QTMAN: variants seen among roughly 807,000 people sequenced by gnomAD.
QTMAN encodes the protein queuosine-tRNA mannosyltransferase, also known as tRNA-queuosine alpha-mannosyltransferase.
At chr2:144,049,387 C>T in the QTMAN span, among the ~76,000 whole-genome samples, 1 of 151,996 alleles carries the variant, frequency 6.6e-6, no homozygotes, top group South Asian at 2.1e-4. Flanking sequence ...AAAAATAGAA[C>T]AAAAACTGAA....
chr2:144,218,139 A>C, the QTMAN span, among the ~76,000 whole-genome samples: 5 of 152,196 alleles, frequency 3.3e-5, no homozygotes, highest in Admixed American at 6.5e-5. Flanking sequence ...CAAGAGTTGT[A>C]CTATTATCAG....
At chr2:144,042,626 G>A in the QTMAN span, among the ~76,000 whole-genome samples, 2 of 151,800 alleles carry the variant, frequency 1.3e-5, no homozygotes, top group Admixed American at 1.3e-4. Context: ...CTGGCGTGGT[G>A]GTACACGCCT....
At chr2:144,032,682 G>C in the QTMAN span, among the ~76,000 whole-genome samples, 19 of 152,288 alleles carry the variant, frequency 1.2e-4, no homozygotes, top group African/African-American at 3.4e-4. Flanking sequence ...GGTGGTGGGG[G>C]ACTTCAACCA....
At chr2:144,289,855 G>GA in the QTMAN span, among the ~76,000 whole-genome samples, 2 of 151,916 alleles carry the variant, frequency 1.3e-5, no homozygotes, top group East Asian at 3.9e-4. Flanking sequence ...AAAAGAATGG[G>GA]AAAAAAAATT....
chr2:144,139,805 T>C, the QTMAN span, among the ~76,000 whole-genome samples: 6 of 152,162 alleles, frequency 3.9e-5, no homozygotes, highest in East Asian at 1.2e-3. Flanking sequence ...TTGTTGGAAA[T>C]ATGGCTTTTC....
the QTMAN span, among the ~76,000 whole-genome samples, chr2:144,292,473 C>T: frequency 2.0e-5 from 3 of 152,092 alleles, no homozygotes; most frequent in African/African-American, 7.2e-5. Flanking sequence ...TTCTCTTACA[C>T]CATTTATTCA....
At chr2:143,961,629 T>C in the QTMAN span, among the ~76,000 whole-genome samples, 1 of 152,156 alleles carries the variant, frequency 6.6e-6, no homozygotes, top group Non-Finnish European at 1.5e-5. Flanking sequence ...TTGAGAACAA[T>C]TTCTTGAGAG....
the QTMAN span, among the ~76,000 whole-genome samples, chr2:144,033,891 A>T: frequency 6.6e-6 from 1 of 152,242 alleles, no homozygotes; most frequent in Admixed American, 6.5e-5. Flanking sequence ...AACCTGAAGC[A>T]AAGATCAAAT....
At chr2:144,018,399 C>T in the QTMAN span, among the ~76,000 whole-genome samples, 5 of 151,858 alleles carry the variant, frequency 3.3e-5, no homozygotes, top group African/African-American at 1.2e-4. Flanking sequence ...GATTATATTG[C>T]TATCTAATTT....
At chr2:143,977,508 G>A in the QTMAN span, among the ~76,000 whole-genome samples, 1 of 152,084 alleles carries the variant, frequency 6.6e-6, no homozygotes, top group Non-Finnish European at 1.5e-5. Context: ...CTGAGTCTAT[G>A]TCACTACTAG....
chr2:144,015,302 AAC>A, the QTMAN span, among the ~76,000 whole-genome samples: 18 of 152,322 alleles, frequency 1.2e-4, no homozygotes, highest in Non-Finnish European at 2.5e-4. Context: ...CTAGTAATTC[AAC>A]ACAGTTTGGC....
the QTMAN span, among the ~76,000 whole-genome samples, chr2:144,242,759 C>G: frequency 6.6e-6 from 1 of 151,876 alleles, no homozygotes; most frequent in African/African-American, 2.4e-5. Flanking sequence ...GTCAGGAGTT[C>G]GAGACCAGCC....
the QTMAN span, among the ~76,000 whole-genome samples, chr2:144,246,210 C>T: frequency 6.6e-6 from 1 of 152,188 alleles, no homozygotes; most frequent in South Asian, 2.1e-4. Flanking sequence ...GAAGCCAATT[C>T]ATTTTGCCTG....
chr2:144,110,418 C>A, the QTMAN span, among the ~76,000 whole-genome samples: 1 of 152,056 alleles, frequency 6.6e-6, no homozygotes, highest in Non-Finnish European at 1.5e-5. Context: ...GGAAGGATAG[C>A]ATTAGGAGAT....
chr2:143,957,225 G>T, the QTMAN span: 2 of 1,600,574 alleles, frequency 1.2e-6, no homozygotes, highest in East Asian at 2.2e-5. Flanking sequence ...ATGCTTAGCT[G>T]TTGAGATGAC....
chr2:144,101,085 G>T, the QTMAN span, among the ~76,000 whole-genome samples: 1 of 151,860 alleles, frequency 6.6e-6, no homozygotes, highest in Admixed American at 6.6e-5. Context: ...AGCCAGGATG[G>T]TCTCGATCTC....
chr2:143,992,061 T>G, the QTMAN span, among the ~76,000 whole-genome samples: 18 of 152,246 alleles, frequency 1.2e-4, no homozygotes, highest in African/African-American at 4.3e-4. Context: ...GAACGGGCCA[T>G]GATGACAATG....
the QTMAN span, among the ~76,000 whole-genome samples, chr2:144,249,004 T>C: frequency 1.6e-4 from 24 of 152,350 alleles, no homozygotes; most frequent in African/African-American, 5.5e-4. Flanking sequence ...AATTCAGTTT[T>C]TAGAACATTA....
At chr2:144,116,313 G>A in the QTMAN span, among the ~76,000 whole-genome samples, 1 of 134,090 alleles carries the variant, frequency 7.5e-6, no homozygotes, top group Non-Finnish European at 1.6e-5. Flanking sequence ...GGGGGTGGGG[G>A]GGAGTAGATT....
Sources: allele counts gnomAD v4.1 joint callset (sites outside exome capture counted in the v4.1 genomes callset), GRCh38; gene constraint gnomAD v4.1.1; transcripts MANE v1.5; gene names NCBI Gene and HGNC (gene_info 2026-07-23, HGNC 2026-07-21).